The following JAK1 variants were observed in gnomAD, a reference collection of about 807,000 sequenced individuals.
JAK1 encodes tyrosine-protein kinase JAK1.
In JAK1, 16 loss-of-function variants were observed where a neutral mutation model predicts 136.6. The observed-to-expected ratio is 0.12, with a 90% CI of 0.08 to 0.18. JAK1 has a LOEUF of 0.18. Among genes scored for constraint, JAK1 ranks in the 10% least tolerant of loss-of-function variants. The probability of loss-of-function intolerance (pLI) is 1.00; values close to 1 mark genes in which losing one functional copy is unlikely to be tolerated. For synonymous variants in JAK1, 492 were observed against 519.5 expected, an observed-to-expected ratio of 0.95 and a Z score of 0.72; for missense variants, 859 against 1,450.1, an observed-to-expected ratio of 0.59 and a Z score of 6.62.
chr1:65,027,610 A>T (rs1392920599), intron 2 of JAK1, among the ~76,000 whole-genome samples: 1 of 152,172 alleles, frequency 6.6e-6, no homozygotes, highest in Non-Finnish European at 1.5e-5. Context: ...GGAAAGCCTT[A>T]AAACCATGTT....
chr1:64,964,808 A>G (rs1390956), intron 1 of JAK1, among the ~76,000 whole-genome samples: 46,893 of 152,098 alleles, frequency 0.31, 9,345 homozygotes, highest in African/African-American at 0.56. Context: ...ACATCTTTAA[A>G]TGTGATCTGG....
At chr1:64,997,876 GGAAGC>G (rs1415228034) in intron 2 of JAK1, among the ~76,000 whole-genome samples, 2 of 152,122 alleles carry the variant, frequency 1.3e-5, no homozygotes, top group African/African-American at 2.4e-5. Flanking sequence ...TCCTGCTGAT[GGAAGC>G]CCAGAGCCAC....
intron 2 of JAK1, among the ~76,000 whole-genome samples, chr1:65,034,095 A>G (rs1224294583): frequency 6.6e-6 from 1 of 152,248 alleles, no homozygotes; most frequent in Non-Finnish European, 1.5e-5. Context: ...CAGGATGGGT[A>G]AAGGGGAAAG....
At position 64,867,101 on chromosome 1, in the gene JAK1, T is replaced by A; in HGVS notation, c.755A>T (p.Asn252Ile). The change falls in exon 7 of 25, where the codon AAC (asparagine) becomes ATC (isoleucine). Residue 252 changes from asparagine (N) to isoleucine (I), a missense_variant. By Grantham distance (149) the Asn-to-Ile change is moderately radical (BLOSUM62 -3). Transcript: ENST00000342505. The stretch of plus-strand genomic sequence containing the variant: ...GCTGCTGTCACAAATGGTCTTGTTG[T>A]TAAATTCCTTTAGGAAATCCTTGAA... ...NVFKDFLKEF[N>I]NKTICDSSVS... is the part of the protein sequence containing the mutation. 6.2e-7 allele frequency: 1 copy of A among 1,614,004 alleles called. No individual in the cohort carries two copies. Among genetic ancestry groups the A allele is most frequent in the Non-Finnish European group, 8.5e-7 (1 of 1,179,844 alleles).
chr1:65,054,618 A>G (rs1304252715), intron 1 of JAK1, among the ~76,000 whole-genome samples: 1 of 152,170 alleles, frequency 6.6e-6, no homozygotes, highest in Non-Finnish European at 1.5e-5. Flanking sequence ...GTGGTAGCAT[A>G]ACTCCAAAGA....
chr1:64,841,422 G>A, intron 18 of JAK1, 29 bp downstream of exon 18: 1 of 1,613,994 alleles, frequency 6.2e-7, no homozygotes, highest in Non-Finnish European at 8.5e-7. Context: ...TCCCCAAGCT[G>A]GGTTAAAGCA....
intron 4 of JAK1, among the ~76,000 whole-genome samples, chr1:64,875,408 T>C (rs1657340545): frequency 6.6e-6 from 1 of 152,178 alleles, no homozygotes; most frequent in African/African-American, 2.4e-5. Flanking sequence ...TGTGGCATCA[T>C]TCGAGCAATG....
intron 2 of JAK1, among the ~76,000 whole-genome samples, chr1:64,971,661 C>T (rs1002469476): frequency 6.6e-6 from 1 of 151,956 alleles, no homozygotes; most frequent in African/African-American, 2.4e-5. Context: ...CGAGTTCAAG[C>T]GATTCTCCTG....
At chr1:65,065,338 A>G (rs111459095) in intron 1 of JAK1, among the ~76,000 whole-genome samples, 123 of 152,186 alleles carry the variant, frequency 8.1e-4, no homozygotes, top group Non-Finnish European at 1.4e-3. Context: ...AGCCAGCAAG[A>G]AAACAAGTTC....
intron 4 of JAK1, among the ~76,000 whole-genome samples, chr1:64,874,687 G>C (rs74080778): frequency 1.3e-5 from 2 of 152,222 alleles, no homozygotes; most frequent in African/African-American, 4.8e-5. Context: ...TGCTACCTAG[G>C]TCTCTTTCCC....
At chr1:64,884,447 T>C (rs773341860) in intron 2 of JAK1, among the ~76,000 whole-genome samples, 10 of 152,278 alleles carry the variant, frequency 6.6e-5, no homozygotes, top group Admixed American at 1.3e-4. Context: ...CCATAACACA[T>C]ACCAGATCCT....
chr1:65,014,689 T>A (rs1055173319), intron 2 of JAK1, among the ~76,000 whole-genome samples: 2 of 146,016 alleles, frequency 1.4e-5, no homozygotes, highest in South Asian at 4.2e-4. Flanking sequence ...ATTCTATTCT[T>A]TTTTTTTTTT....
intron 3 of JAK1, 83 bp downstream of exon 3, chr1:64,883,194 C>A: frequency 8.7e-7 from 1 of 1,147,650 alleles, no homozygotes; most frequent in Non-Finnish European, 1.2e-6. Context: ...TGCCCAGCAG[C>A]GCTACAAGGG....
intron 1 of JAK1, among the ~76,000 whole-genome samples, chr1:64,954,126 AAGAG>A (rs1422754394): frequency 3.9e-5 from 6 of 152,234 alleles, no homozygotes; most frequent in Non-Finnish European, 2.9e-5. Flanking sequence ...TCAGGAGAGA[AAGAG>A]AAAGAAAAGG....
intron 2 of JAK1, among the ~76,000 whole-genome samples, chr1:64,884,080 A>G (rs898492977): frequency 6.6e-6 from 1 of 152,256 alleles, no homozygotes; most frequent in East Asian, 1.9e-4. Context: ...ACAATTAATG[A>G]ATGGAGCCTG....
At chr1:64,944,973 G>A (rs1391420500) in intron 1 of JAK1, among the ~76,000 whole-genome samples, 2 of 151,858 alleles carry the variant, frequency 1.3e-5, no homozygotes, top group Non-Finnish European at 2.9e-5. Flanking sequence ...AGAAGCACTT[G>A]GCACCTTGGG....
At chr1:64,841,119 G>T in intron 19 of JAK1, 126 bp downstream of exon 19, 1 of 700,642 alleles carries the variant, frequency 1.4e-6, no homozygotes, top group Non-Finnish European at 2.5e-6. Context: ...ATGCAGTAAG[G>T]TGCTTTCGCT....
rs1003052076 is a variant in JAK1, at chr1:64,844,220, A to T, written c.2252-5T>A. On this transcript the variant is annotated splice_region_variant and splice_polypyrimidine_tract_variant and intron_variant, in intron 16 of 24. Transcript: ENST00000342505. The surrounding 1 kb of genome is among the most constrained non-coding windows in gnomAD (Gnocchi z 5.7). ...ATGGGATTCGTTCAATGCATTCTGG[A>T]AGACAACAGACACACTGATGGAGCA... is the stretch of plus-strand genomic sequence containing the variant. 5.6e-6 allele frequency: 9 copies of T among 1,614,196 alleles called. No individual in the cohort carries two copies. Among genetic ancestry groups the T allele is most frequent in the Non-Finnish European group, 6.8e-6 (8 of 1,180,018 alleles).
intron 2 of JAK1, among the ~76,000 whole-genome samples, chr1:64,986,652 G>A (rs1324125664): frequency 2.0e-5 from 3 of 152,128 alleles, no homozygotes; most frequent in Non-Finnish European, 4.4e-5. Flanking sequence ...CAGCACTTTG[G>A]AGGGCTGAGG....
Sources: allele counts gnomAD v4.1 joint callset (sites outside exome capture counted in the v4.1 genomes callset), GRCh38; gene constraint gnomAD v4.1.1; non-coding constraint Gnocchi (gnomAD v3.1); transcripts MANE v1.5; gene names NCBI Gene and HGNC (gene_info 2026-07-23, HGNC 2026-07-21).